Variants in DENND1B observed in about 807,000 individuals in gnomAD.
DENND1B encodes the protein DENN domain-containing protein 1B.
Under a neutral mutation model 90.1 loss-of-function variants are expected in DENND1B, and 59 were observed. That is an observed-to-expected ratio of 0.65 (90% CI 0.53 to 0.81). The LOEUF (loss-of-function observed/expected upper bound fraction) is 0.81. Ranked by LOEUF, DENND1B falls within the 40% of genes least tolerant of loss-of-function variation. DENND1B has a pLI of 0.00. For synonymous variants in DENND1B, 337 were observed against 324.6 expected (o/e 1.04, Z -0.41); for missense variants, 862 against 912.6 (o/e 0.94, Z 0.71).
intron 2 of DENND1B, 84 bp from the exon 3 acceptor site, chr1:197,715,158 G>T: frequency 9.1e-7 from 1 of 1,093,556 alleles, no homozygotes; most frequent in Non-Finnish European, 1.3e-6. Context: ...TCTTAAAATT[G>T]TCAAAGCTAC....
intron 9 of DENND1B, among the ~76,000 whole-genome samples, chr1:197,645,152 A>G (rs1476841466): frequency 6.6e-6 from 1 of 152,126 alleles, no homozygotes; most frequent in Non-Finnish European, 1.5e-5. Context: ...GCAATTTTTA[A>G]AATTTCTTAC....
intron 10 of DENND1B, among the ~76,000 whole-genome samples, chr1:197,638,392 C>T (rs1485329710): frequency 6.6e-6 from 1 of 152,136 alleles, no homozygotes; most frequent in Admixed American, 6.5e-5. Context: ...GCATCCCTTC[C>T]ACCTGCTTCT....
chr1:197,518,260 T>C (rs1668539021), intron 20 of DENND1B, among the ~76,000 whole-genome samples: 2 of 151,970 alleles, frequency 1.3e-5, no homozygotes, highest in Admixed American at 1.3e-4. Context: ...GCTCTGCATC[T>C]TTCATTGTCT....
rs1201358457 is a variant in DENND1B at position 197,509,515 on chromosome 1, C to A, written c.*945G>T. The A allele has an allele frequency of 2.0e-5, 3 of 151,598 alleles. No individual in the cohort carries two copies. Among genetic ancestry groups the A allele is most frequent in the Non-Finnish European group, 2.9e-5 (2 of 67,800 alleles). 9.4% of individuals were successfully genotyped at this position (151,598 alleles called of 1,614,324 possible). A position where few individuals can be genotyped will look rare whatever the true frequency, so the allele number is the denominator to read the frequency against. On this transcript the variant is annotated 3_prime_UTR_variant, in exon 23 of 23. Coordinates refer to ENST00000620048, the MANE Select transcript of DENND1B (RefSeq NM_001195215.2). ...ATGGGAACTCTCTGTACTATCTTTG[C>A]AATTTTTCTGTAAATCTAAAACTTC...
intron 20 of DENND1B, among the ~76,000 whole-genome samples, chr1:197,527,869 ACT>A (rs1420746181): frequency 5.3e-5 from 8 of 152,078 alleles, no homozygotes; most frequent in Non-Finnish European, 1.2e-4. Flanking sequence ...CTCTATAAAC[ACT>A]GAGTACACCA....
intron 2 of DENND1B, among the ~76,000 whole-genome samples, chr1:197,765,826 A>G (rs546483099): frequency 3.3e-5 from 5 of 152,250 alleles, no homozygotes; most frequent in Non-Finnish European, 5.9e-5. Context: ...ACCTAATGAG[A>G]AAGTGATAAC....
rs1667957170 is a variant in DENND1B at position 197,510,625 on chromosome 1, C to T, written c.2163G>A (p.Arg721=). Residue 721 remains arginine, a synonymous_variant, in exon 23 of 23, where the codon CGG becomes CGA. Transcript: ENST00000620048. ...SDDLLIPGLG[R]HSSTFVPWEK... is the part of the protein sequence containing the mutation. The stretch of plus-strand genomic sequence containing the variant: ...CCCAAGGAACAAAAGTCGATGAATG[C>T]CGCCCAAGACCGGGTATAAGCAGAT... 2 of 1,612,692 alleles carry T rather than the reference C, an allele frequency of 1.2e-6. No individual in the cohort carries two copies. Among genetic ancestry groups the T allele is most frequent in the African/African-American group, 2.7e-5 (2 of 74,774 alleles).
intron 5 of DENND1B, among the ~76,000 whole-genome samples, chr1:197,658,991 TTTA>T (rs1314666244): frequency 6.6e-6 from 1 of 150,892 alleles, no homozygotes; most frequent in Non-Finnish European, 1.5e-5. Flanking sequence ...CCAAAAATCA[TTTA>T]TATAAAACAA....
At chr1:197,538,327 C>G (rs1006973103) in intron 20 of DENND1B, among the ~76,000 whole-genome samples, 7 of 151,988 alleles carry the variant, frequency 4.6e-5, no homozygotes, top group Non-Finnish European at 8.8e-5. Context: ...ACAGAAAAAT[C>G]AATAGCAAAT....
intron 10 of DENND1B, among the ~76,000 whole-genome samples, chr1:197,639,734 TTTACTTTTAATTTACATAAA>T (rs1360651036): frequency 2.6e-5 from 4 of 152,292 alleles, no homozygotes; most frequent in East Asian, 3.9e-4. Context: ...ATTCATTGAT[TTTACTTTTAATTTACATAAA>T]TTACTTTTAA....
chr1:197,659,760 G>A (rs1654221839), intron 5 of DENND1B, among the ~76,000 whole-genome samples: 1 of 151,752 alleles, frequency 6.6e-6, no homozygotes, highest in Non-Finnish European at 1.5e-5. Flanking sequence ...TCCCTAAAGA[G>A]TTCTGAAACA....
rs987210583 is a variant in DENND1B at position 197,695,540 on chromosome 1, G to T, written c.126+19491C>A. Among the ~76,000 whole-genome samples the T allele has an allele frequency of 2.0e-5, 3 of 150,130 alleles. No individual in the cohort carries two copies. The East Asian group carries it at 5.8e-4, about 29-fold the overall frequency. On this transcript the variant is annotated intron_variant, in intron 3 of 22. Coordinates refer to ENST00000620048, the MANE Select transcript of DENND1B (RefSeq NM_001195215.2). ...AGAAATCAATTTGTTTTAGAAATAC[G>T]AGTTTATATATAATATTCACAGGGT...
chr1:197,540,820 G>C (rs1670278901), intron 19 of DENND1B, 139 bp downstream of exon 19: 1 of 710,720 alleles, frequency 1.4e-6, no homozygotes, highest in Non-Finnish European at 2.3e-6. Context: ...CAGAGGGCTT[G>C]TTATAAAAAA....
At chr1:197,622,201 G>A (rs1436445024) in intron 10 of DENND1B, among the ~76,000 whole-genome samples, 1 of 151,314 alleles carries the variant, frequency 6.6e-6, no homozygotes, top group Non-Finnish European at 1.5e-5. Flanking sequence ...AACAACAAAT[G>A]TTTACATAAT....
chr1:197,754,255 C>T (rs952856508), intron 2 of DENND1B, among the ~76,000 whole-genome samples: 10 of 151,988 alleles, frequency 6.6e-5, no homozygotes, highest in South Asian at 2.1e-4. Context: ...TATATCTTTT[C>T]GGAAAGGCAA....
chr1:197,675,142 T>C (rs1286091108), intron 3 of DENND1B, among the ~76,000 whole-genome samples: 2 of 151,990 alleles, frequency 1.3e-5, no homozygotes, highest in Non-Finnish European at 2.9e-5. Context: ...ATGTTTCCCA[T>C]TAAAAAGAAA....
At chr1:197,568,356 A>G (rs540566590) in intron 15 of DENND1B, among the ~76,000 whole-genome samples, 17 of 152,176 alleles carry the variant, frequency 1.1e-4, no homozygotes, top group Non-Finnish European at 2.1e-4. Context: ...GACAAAATAT[A>G]TAGAAAAATA....
At chr1:197,703,134 T>C (rs1381915990) in intron 3 of DENND1B, among the ~76,000 whole-genome samples, 1 of 152,014 alleles carries the variant, frequency 6.6e-6, no homozygotes, top group Non-Finnish European at 1.5e-5. Flanking sequence ...ATTACAGGCC[T>C]GCACCACCAG....
intron 20 of DENND1B, among the ~76,000 whole-genome samples, chr1:197,515,627 A>T (rs2125600312): frequency 6.6e-6 from 1 of 151,964 alleles, no homozygotes; most frequent in East Asian, 1.9e-4. Flanking sequence ...CTGCTACTTA[A>T]GAACTAATAC....
Sources: allele counts gnomAD v4.1 joint callset (sites outside exome capture counted in the v4.1 genomes callset), GRCh38; gene constraint gnomAD v4.1.1; transcripts MANE v1.5; gene names NCBI Gene and HGNC (gene_info 2026-07-23, HGNC 2026-07-21).